Variants in KLHL12 observed in about 807,000 individuals in gnomAD.
KLHL12 encodes kelch like family member 12.
KLHL12 carries 17 observed loss-of-function variants against 60.8 expected under a neutral mutation model. The observed-to-expected ratio is 0.28, with a 90% CI of 0.19 to 0.42. The LOEUF is 0.42. Among genes scored for constraint, KLHL12 ranks in the 10% least tolerant of loss-of-function variants. The pLI is 1.00. For missense variants in KLHL12, 468 were observed against 722.3 expected (o/e 0.65, Z 4.04); for synonymous variants, 220 against 250.9 (o/e 0.88, Z 1.16).
chr1:202,919,834 A>G lies in KLHL12; in HGVS notation c.270T>C (p.Phe90=), dbSNP rs1337327753. 1 of 1,614,008 alleles carries G rather than the reference A, an allele frequency of 6.2e-7. No individual in the cohort carries two copies. Among genetic ancestry groups the G allele is most frequent in the Non-Finnish European group, 8.5e-7 (1 of 1,179,898 alleles). Residue 90 remains phenylalanine, a synonymous_variant, in exon 3 of 12, where the codon TTT becomes TTC. Coordinates refer to ENST00000367261, the MANE Select transcript of KLHL12 (RefSeq NM_021633.4). ...TCACATGTACTGTTTCTGTGTACAC[A>G]AAGTCCAATAAAATTTCCATGGTAG... is the stretch of plus-strand genomic sequence containing the variant. ...TASTMEILLD[F]VYTETVHVTV... is the part of the protein sequence containing the mutation.
chr1:202,921,717 A>G (rs1384699960), intron 2 of KLHL12, among the ~76,000 whole-genome samples: 1 of 152,220 alleles, frequency 6.6e-6, no homozygotes, highest in Non-Finnish European at 1.5e-5. Context: ...GAAATCTTCA[A>G]TTTTACAGGA....
In KLHL12 at chr1:202,892,302, A is replaced by G. The variant is rs558562529; in HGVS notation, c.*231T>C. The G allele has an allele frequency of 2.9e-4, 146 of 501,890 alleles. No homozygotes were observed. Among genetic ancestry groups the G allele is most frequent in the Admixed American group, 7.5e-4 (22 of 29,324 alleles). The allele number at this position is 501,890 out of a possible 1,614,324, so 31.1% of individuals were successfully genotyped here. ...TGGGAGAGGCAATGTGGTCTCTCAC[A>G]TCCATTCAATGTGCATTCTTTTTCC... is the stretch of plus-strand genomic sequence containing the variant. On this transcript the variant is annotated 3_prime_UTR_variant, in exon 12 of 12. Coordinates refer to ENST00000367261, the MANE Select transcript of KLHL12 (RefSeq NM_021633.4).
chr1:202,899,189 TG>T (rs973550563), intron 6 of KLHL12, among the ~76,000 whole-genome samples: 2 of 151,852 alleles, frequency 1.3e-5, no homozygotes, highest in Admixed American at 1.3e-4. Context: ...GGCGCACACC[TG>T]AAATCCCAAC....
At chr1:202,908,981 C>A in intron 6 of KLHL12, 29 bp downstream of exon 6, 1 of 1,361,044 alleles carries the variant, frequency 7.3e-7, no homozygotes, top group Non-Finnish European at 1.1e-6. Context: ...TGAAAAGCAT[C>A]CCCTCATTCT....
chr1:202,911,169 A>G lies in KLHL12; in HGVS notation c.602T>C (p.Ile201Thr). Residue 201 changes from isoleucine to threonine, a missense_variant, in exon 5 of 12, where the codon ATC (isoleucine) becomes ACC (threonine). Around this residue, in one of 4 missense-constraint regions of KLHL12, gnomAD observed 339 missense variants for 525.0 expected, o/e 0.65. Transcript: ENST00000367261. ...TTTCTTGGCATGCTTCACCCAGTTG[A>G]TGACAGCCTCAAAGACTGGCTCTTC... is the stretch of plus-strand genomic sequence containing the variant. ...DSEEPVFEAV[I>T]NWVKHAKKER... 3.7e-6 allele frequency: 6 copies of G among 1,614,108 alleles called. No individual in the cohort carries two copies. The highest frequency in any genetic ancestry group is 5.1e-6 in the Non-Finnish European group (6 of 1,180,018).
Position 202,891,555 on chromosome 1 carries a change from AT to A in KLHL12, c.*977del, listed in dbSNP as rs1239331553. The A allele has an allele frequency of 3.3e-5, 5 of 152,272 alleles. No homozygotes were observed. The highest frequency in any genetic ancestry group is 1.3e-4 in the Admixed American group (2 of 15,286). 9.4% of individuals were successfully genotyped at this position (152,272 alleles called of 1,614,324 possible). A position where few individuals can be genotyped will look rare whatever the true frequency, so the allele number is the denominator to read the frequency against. ...ACTAGGCTACTGTCACTCCCAGCCC[AT>A]CCCCAAATAAATAGTGTGGAAGTGT... On this transcript the variant is annotated 3_prime_UTR_variant, in exon 12 of 12. Coordinates refer to ENST00000367261, the MANE Select transcript of KLHL12 (RefSeq NM_021633.4).
chr1:202,909,104 T>C lies in KLHL12; in HGVS notation c.738A>G (p.Leu246=). Residue 246 remains leucine, a synonymous_variant, in exon 6 of 12, where the codon TTA becomes TTG. Transcript: ENST00000367261. The surrounding 1 kb of genome is among the most constrained non-coding windows in gnomAD (Gnocchi z 4.1). ...CTTCATCAACCAGATCCCTGCATTGTAAACTACAGCGGATGAAAGGCTGAA... is the reference window on the plus strand; with the variant it reads ...CTTCATCAACCAGATCCCTGCATTGCAAACTACAGCGGATGAAAGGCTGAA... The part of the protein sequence containing the change: ...IDAEPFIRCS[L]QCRDLVDEAK... The C allele has an allele frequency of 6.2e-7, 1 of 1,613,594 alleles. No individual in the cohort carries two copies. The highest frequency in any genetic ancestry group is 8.5e-7 in the Non-Finnish European group (1 of 1,179,676).
At chr1:202,926,569 T>C (rs1299505098) in intron 1 of KLHL12, among the ~76,000 whole-genome samples, 1 of 152,178 alleles carries the variant, frequency 6.6e-6, no homozygotes, top group Admixed American at 6.5e-5. Flanking sequence ...CTAGAACAAA[T>C]GTCCATTTAC....
chr1:202,896,563 A>C (rs1162673568), intron 7 of KLHL12, among the ~76,000 whole-genome samples: 1 of 152,214 alleles, frequency 6.6e-6, no homozygotes, highest in Non-Finnish European at 1.5e-5. Flanking sequence ...TTAACACAGC[A>C]CGACCAATGA....
chr1:202,898,772 A>G (rs1659916999), intron 6 of KLHL12, among the ~76,000 whole-genome samples: 1 of 152,122 alleles, frequency 6.6e-6, no homozygotes, highest in African/African-American at 2.4e-5. Context: ...GAGACTGAAA[A>G]GAGACATGAA....
chr1:202,912,664 C>T, intron 4 of KLHL12: 1 of 1,302,140 alleles, frequency 7.7e-7, no homozygotes, highest in Non-Finnish European at 1.1e-6. Flanking sequence ...TCTGCCAAAC[C>T]ACGAAACCAA....
intron 4 of KLHL12, 124 bp downstream of exon 4, chr1:202,918,047 T>C: frequency 1.3e-6 from 1 of 752,234 alleles, no homozygotes; most frequent in Non-Finnish European, 2.2e-6. Context: ...GAGGGGTTAA[T>C]GAAATCTTTG....
chr1:202,893,194 T>C lies in KLHL12; in HGVS notation c.1580+45A>G, dbSNP rs758691818. 6.7e-7 allele frequency: 1 copy of C among 1,484,048 alleles called. No homozygotes were observed. Among genetic ancestry groups the C allele is most frequent in the Non-Finnish European group, 9.1e-7 (1 of 1,093,060 alleles). 91.9% of individuals were successfully genotyped at this position (1,484,048 alleles called of 1,614,324 possible). On this transcript the variant is annotated intron_variant, in intron 11 of 11. Transcript: ENST00000367261. This position sits in a 1 kb window ranked among gnomAD's most constrained non-coding sequence, Gnocchi z 4.1. ...ATGAGGATCAGATCACATAGACTCT[T>C]GCTCTGGCTACATATTGAGTCTGGA...
rs1175379999 is a variant in KLHL12, at chr1:202,911,061, T to A, written c.710A>T (p.Asp237Val). Residue 237 changes from aspartate (D) to valine (V), a missense_variant, in exon 5 of 12, where the codon GAT becomes GTT. Physicochemically the swap from Asp to Val is radical, Grantham distance 152. Around this residue, in one of 4 missense-constraint regions of KLHL12, gnomAD observed 339 missense variants for 525.0 expected, o/e 0.65. Coordinates refer to ENST00000367261, the MANE Select transcript of KLHL12 (RefSeq NM_021633.4). The stretch of plus-strand genomic sequence containing the variant: ...GAGTGTTGCACTACTTACCTCAGCA[T>A]CTATTACATCTGTGATATACCTGGG... ...LTPRYITDVIDAEPFIRCSLQ... is the reference protein window; with the variant it reads ...LTPRYITDVIVAEPFIRCSLQ... 6 of 1,613,924 alleles carry A rather than the reference T, an allele frequency of 3.7e-6. No individual in the cohort carries two copies. Among genetic ancestry groups the A allele is most frequent in the African/African-American group, 2.7e-5 (2 of 74,902 alleles).
chr1:202,906,189 A>T (rs935890631), intron 6 of KLHL12, among the ~76,000 whole-genome samples: 1 of 147,838 alleles, frequency 6.8e-6, no homozygotes, highest in Non-Finnish European at 1.5e-5. Context: ...GCGGTGGCTC[A>T]TGCCCGTAAT....
chr1:202,925,254 C>A (rs2102463880), intron 1 of KLHL12, 47 bp from the exon 2 acceptor site: 1 of 1,559,066 alleles, frequency 6.4e-7, no homozygotes, highest in Non-Finnish European at 8.7e-7. Context: ...AGAACTAGGG[C>A]AACTGAACAT....
At chr1:202,923,975 T>C (rs768197068) in intron 2 of KLHL12, among the ~76,000 whole-genome samples, 1 of 152,170 alleles carries the variant, frequency 6.6e-6, no homozygotes, top group Non-Finnish European at 1.5e-5. Flanking sequence ...TAATAAACAG[T>C]GATGCACCCA....
chr1:202,918,283 T>C lies in KLHL12; in HGVS notation c.455A>G (p.Gln152Arg). The C allele has an allele frequency of 6.2e-7, 1 of 1,614,180 alleles. No homozygotes were observed. The highest frequency in any genetic ancestry group is 8.5e-7 in the Non-Finnish European group (1 of 1,180,016). Residue 152 changes from glutamine (Q) to arginine (R), a missense_variant, in exon 4 of 12, where the codon CAA becomes CGA. Coordinates refer to ENST00000367261, the MANE Select transcript of KLHL12 (RefSeq NM_021633.4). ...CTTCTGGCTAAAAACCTCAGCTGCT[T>C]GCATCAGGTCAACACAATTGTGGGT... ...AETHNCVDLM[Q>R]AAEVFSQKHF...
intron 10 of KLHL12, 104 bp downstream of exon 10, chr1:202,894,080 A>G: frequency 1.6e-6 from 1 of 631,166 alleles, no homozygotes; most frequent in Non-Finnish European, 2.8e-6. Flanking sequence ...GGAGAGCAGA[A>G]TCTCATTTTT....
Sources: gnomAD v4.1 joint callset for allele counts (sites outside exome capture counted in the v4.1 genomes callset) on GRCh38, gnomAD v4.1.1 for gene constraint, gnomAD v4.1.1 regional missense constraint, Gnocchi (gnomAD v3.1) non-coding constraint, MANE v1.5 for transcripts, NCBI Gene and HGNC (gene_info 2026-07-23, HGNC 2026-07-21) for gene names.